CCDC178: variants seen among roughly 807,000 people sequenced by gnomAD.
The protein encoded by CCDC178 is coiled-coil domain-containing protein 178.
A neutral mutation model predicts 117.4 loss-of-function variants in CCDC178; 126 were observed. That is an observed-to-expected ratio of 1.07 (90% CI 0.93 to 1.24). The LOEUF (loss-of-function observed/expected upper bound fraction) is 1.24, where lower values mean the gene tolerates loss of function less well. Ranked by LOEUF, CCDC178 falls within the 50% of genes most tolerant of loss-of-function variation. The pLI, the probability that CCDC178 is intolerant of heterozygous loss-of-function variation, is 0.00. For synonymous variants in CCDC178, 283 were observed against 313.4 expected, an observed-to-expected ratio of 0.90 and a Z score of 1.02; for missense variants, 1,030 against 986.9, an observed-to-expected ratio of 1.04 and a Z score of -0.59.
chr18:33,176,924 C>A (rs930332911), intron 20 of CCDC178, among the ~76,000 whole-genome samples: 36 of 152,324 alleles, frequency 2.4e-4, no homozygotes, highest in African/African-American at 8.7e-4. Flanking sequence ...CCAGCCACAT[C>A]TCACTTATAC....
chr18:33,358,704 A>G (rs953145025), intron 6 of CCDC178, among the ~76,000 whole-genome samples: 3 of 151,908 alleles, frequency 2.0e-5, no homozygotes, highest in African/African-American at 7.2e-5. Flanking sequence ...CTGTTATAGC[A>G]TTGTGGTATG....
At chr18:33,237,763 C>T (rs2144668596) in intron 15 of CCDC178, among the ~76,000 whole-genome samples, 1 of 151,406 alleles carries the variant, frequency 6.6e-6, no homozygotes, top group South Asian at 2.1e-4. Flanking sequence ...TGAACCTGGT[C>T]CCAAGACTGA....
chr18:33,020,268 A>T (rs930792057), intron 21 of CCDC178, among the ~76,000 whole-genome samples: 1 of 151,880 alleles, frequency 6.6e-6, no homozygotes, highest in Admixed American at 6.6e-5. Flanking sequence ...TTAATATCTT[A>T]TGTTTCCAAC....
At chr18:33,165,541 T>G (rs1163599134) in intron 20 of CCDC178, among the ~76,000 whole-genome samples, 3 of 152,176 alleles carry the variant, frequency 2.0e-5, no homozygotes, top group Admixed American at 1.3e-4. Flanking sequence ...GAATAAGTTC[T>G]ACAAAATTCT....
chr18:33,200,626 A>G (rs2058980616), intron 20 of CCDC178, among the ~76,000 whole-genome samples: 2 of 152,068 alleles, frequency 1.3e-5, no homozygotes, highest in African/African-American at 4.8e-5. Flanking sequence ...TTTCCTCCTA[A>G]TGTTTTCACT....
rs1470369311 is a variant in CCDC178 at position 32,940,703 on chromosome 18, G to A, written c.2524-2612C>T. On this transcript the variant is annotated intron_variant, in intron 22 of 22. Coordinates refer to ENST00000383096, the MANE Select transcript of CCDC178 (RefSeq NM_001105528.4). ...CCTTCACCCTCAAGTAGACCCCAGT[G>A]TCTGTTGCTTCCTGCTTTGTGACCA... is the stretch of plus-strand genomic sequence containing the variant. Among the ~76,000 whole-genome samples the A allele has an allele frequency of 2.6e-5, 4 of 151,858 alleles. No individual in the cohort carries two copies. The East Asian group carries it at 7.7e-4, about 29-fold the overall frequency.
At chr18:33,300,608 G>A (rs1323597158) in intron 11 of CCDC178, among the ~76,000 whole-genome samples, 1 of 152,194 alleles carries the variant, frequency 6.6e-6, no homozygotes, top group Non-Finnish European at 1.5e-5. Flanking sequence ...ATTGGGAACT[G>A]GAGTAAAGAT....
At chr18:33,193,317 A>G (rs1362322750) in intron 20 of CCDC178, among the ~76,000 whole-genome samples, 1 of 144,978 alleles carries the variant, frequency 6.9e-6, no homozygotes, top group African/African-American at 2.5e-5. Context: ...AAGAGGTCTG[A>G]GGAAGCCTTT....
chr18:33,426,854 T>A (rs1428712028), intron 2 of CCDC178, among the ~76,000 whole-genome samples: 1 of 152,082 alleles, frequency 6.6e-6, no homozygotes, highest in Non-Finnish European at 1.5e-5. Context: ...TATAATAAAA[T>A]GAGGATTGTC....
chr18:33,031,048 T>C (rs1432624278), intron 21 of CCDC178, among the ~76,000 whole-genome samples: 1 of 152,142 alleles, frequency 6.6e-6, no homozygotes, highest in African/African-American at 2.4e-5. Flanking sequence ...CTGGAAATCC[T>C]GAAATTCTGA....
At chr18:33,281,737 G>T (rs192768728) in intron 12 of CCDC178, among the ~76,000 whole-genome samples, 2 of 152,304 alleles carry the variant, frequency 1.3e-5, no homozygotes, top group African/African-American at 4.8e-5. Flanking sequence ...AGAATGCTAA[G>T]GTGTATCATT....
intron 22 of CCDC178, among the ~76,000 whole-genome samples, chr18:32,964,794 A>G (rs2054776793): frequency 6.6e-6 from 1 of 151,942 alleles, no homozygotes; most frequent in Admixed American, 6.6e-5. Context: ...AATATCCCAT[A>G]GAAAGAGAGA....
At chr18:33,356,929 G>C (rs2063065614) in intron 6 of CCDC178, among the ~76,000 whole-genome samples, 1 of 151,732 alleles carries the variant, frequency 6.6e-6, no homozygotes, top group South Asian at 2.1e-4. Flanking sequence ...TTCAAGGTCT[G>C]ATAAGAGACA....
intron 6 of CCDC178, among the ~76,000 whole-genome samples, chr18:33,365,342 A>C (rs1050416369): frequency 2.6e-5 from 4 of 152,074 alleles, no homozygotes; most frequent in African/African-American, 9.7e-5. Flanking sequence ...CTTTGGTCTT[A>C]ATAGCTGACA....
rs367543614 is a variant in CCDC178 at position 33,323,478 on chromosome 18, G to A, written c.1022+13C>T. ...TCTAAATGCTATAATTAGTGTTTGC[G>A]AAAAATTCTTACTTGTAGGCCTCTA... is the stretch of plus-strand genomic sequence containing the variant. On this transcript the variant is annotated intron_variant, in intron 11 of 22. Coordinates refer to ENST00000383096, the MANE Select transcript of CCDC178 (RefSeq NM_001105528.4). The A allele has an allele frequency of 3.6e-5, 52 of 1,442,172 alleles. No homozygotes were observed. Among genetic ancestry groups the A allele is most frequent in the African/African-American group, 1.2e-4 (8 of 68,258 alleles). 89.3% of individuals were successfully genotyped at this position (1,442,172 alleles called of 1,614,324 possible).
At chr18:33,155,350 A>G (rs973738634) in intron 20 of CCDC178, among the ~76,000 whole-genome samples, 3 of 152,160 alleles carry the variant, frequency 2.0e-5, no homozygotes, top group Non-Finnish European at 2.9e-5. Context: ...TATGTGTGAT[A>G]TACCTAAAGC....
intron 12 of CCDC178, among the ~76,000 whole-genome samples, chr18:33,274,796 A>G (rs902191470): frequency 2.6e-5 from 4 of 152,202 alleles, no homozygotes; most frequent in Admixed American, 2.6e-4. Flanking sequence ...AATGATTTGC[A>G]CCACTATGCC....
intron 20 of CCDC178, among the ~76,000 whole-genome samples, chr18:33,161,087 T>C (rs1261755169): frequency 6.6e-6 from 1 of 152,036 alleles, no homozygotes; most frequent in Non-Finnish European, 1.5e-5. Flanking sequence ...CTTGTACATA[T>C]GATTTAAAAG....
intron 21 of CCDC178, among the ~76,000 whole-genome samples, chr18:33,089,607 T>A (rs1401111283): frequency 6.6e-6 from 1 of 152,140 alleles, no homozygotes; most frequent in Non-Finnish European, 1.5e-5. Flanking sequence ...TTATATAATT[T>A]AAAAAATATA....
Sources: allele counts gnomAD v4.1 joint callset (sites outside exome capture counted in the v4.1 genomes callset), GRCh38; gene constraint gnomAD v4.1.1; transcripts MANE v1.5; gene names NCBI Gene and HGNC (gene_info 2026-07-23, HGNC 2026-07-21).